SDK1: variants seen among roughly 807,000 people sequenced by gnomAD.
SDK1 encodes the protein protein sidekick-1.
SDK1 carries 157 observed loss-of-function variants against 245.5 expected under a neutral mutation model. The ratio of observed to expected loss-of-function variants is 0.64; its 90% confidence interval spans 0.56 to 0.73. The LOEUF is 0.73. Ranked by LOEUF, SDK1 falls within the 30% of genes least tolerant of loss-of-function variation. SDK1 has a pLI of 0.00. For missense variants in SDK1, 3,583 were observed against 3,002.3 expected (o/e 1.19, Z -4.52); for synonymous variants, 1,647 against 1,278.5 (o/e 1.29, Z -6.15).
chr7:3,486,724 C>T (rs1310062855), intron 1 of SDK1, among the ~76,000 whole-genome samples: 1 of 151,830 alleles, frequency 6.6e-6, no homozygotes, highest in African/African-American at 2.4e-5. Context: ...TTTTTAGCCA[C>T]GTTTTAATTT....
intron 1 of SDK1, among the ~76,000 whole-genome samples, chr7:3,417,960 G>A (rs1245135130): frequency 2.6e-5 from 4 of 151,908 alleles, no homozygotes; most frequent in Admixed American, 6.6e-5. Context: ...ACTCATTTAC[G>A]CAACATTGGA....
At chr7:3,703,476 T>A (rs1457957490) in intron 4 of SDK1, among the ~76,000 whole-genome samples, 1 of 152,190 alleles carries the variant, frequency 6.6e-6, no homozygotes, top group Non-Finnish European at 1.5e-5. Flanking sequence ...ATTAGATGTG[T>A]CTATTAGAGT....
rs1784538787 is a variant in SDK1, at chr7:3,695,213, TTAAA to T, written c.713+53112_713+53115del. ...TACACTAGGCGCCTCACACAGCAAA[TTAAA>T]TAAGTATTTCCGTCTAAGAATTTGC... On this transcript the variant is annotated intron_variant, in intron 4 of 44. Transcript: ENST00000404826. 2.0e-5 allele frequency among the ~76,000 whole-genome samples: 3 copies of T among 152,308 alleles called. No individual in the cohort carries two copies. In the South Asian group the frequency reaches 6.2e-4, roughly 32 times the overall value.
chr7:3,389,510 C>T (rs937806142), intron 1 of SDK1, among the ~76,000 whole-genome samples: 1 of 152,140 alleles, frequency 6.6e-6, no homozygotes, highest in African/African-American at 2.4e-5. Context: ...TTCCTTTAGA[C>T]TCATATTTTG....
intron 44 of SDK1, 77 bp from the exon 45 acceptor site, chr7:4,265,047 C>G: frequency 6.5e-7 from 1 of 1,545,670 alleles, no homozygotes; most frequent in Non-Finnish European, 8.7e-7. Flanking sequence ...GTGCCCCCAC[C>G]GCCAGGCCTC....
intron 1 of SDK1, among the ~76,000 whole-genome samples, chr7:3,489,119 A>G (rs141099904): frequency 2.3e-3 from 348 of 152,266 alleles, no homozygotes; most frequent in African/African-American, 8.1e-3. Flanking sequence ...CTCCCTGCAG[A>G]CATAGCCCCT....
intron 4 of SDK1, among the ~76,000 whole-genome samples, chr7:3,793,887 G>C (rs1027329596): frequency 5.3e-5 from 8 of 152,142 alleles, no homozygotes; most frequent in African/African-American, 1.9e-4. Flanking sequence ...AGCCTGATGA[G>C]GACCTCATTG....
intron 2 of SDK1, among the ~76,000 whole-genome samples, chr7:3,629,627 C>G (rs1405816990): frequency 6.6e-6 from 1 of 152,178 alleles, no homozygotes; most frequent in Non-Finnish European, 1.5e-5. Flanking sequence ...CTGGTTCTGC[C>G]TAACAAGTCT....
At chr7:3,807,809 A>T (rs557441370) in intron 4 of SDK1, among the ~76,000 whole-genome samples, 1 of 152,132 alleles carries the variant, frequency 6.6e-6, no homozygotes, top group African/African-American at 2.4e-5. Flanking sequence ...TGGCAAAATT[A>T]TTTGACCTCT....
intron 44 of SDK1, among the ~76,000 whole-genome samples, chr7:4,253,801 A>C (rs528356009): frequency 9.0e-4 from 137 of 152,258 alleles, no homozygotes; most frequent in African/African-American, 3.1e-3. Flanking sequence ...AGGCTCTGTT[A>C]GGTGCATGTG....
intron 4 of SDK1, among the ~76,000 whole-genome samples, chr7:3,713,985 T>A (rs1785127505): frequency 6.6e-6 from 1 of 152,208 alleles, no homozygotes; most frequent in Non-Finnish European, 1.5e-5. Context: ...ATTCAAAGAC[T>A]GTTTCATCTC....
chr7:3,685,603 T>G (rs993955893), intron 4 of SDK1, among the ~76,000 whole-genome samples: 1 of 152,162 alleles, frequency 6.6e-6, no homozygotes, highest in African/African-American at 2.4e-5. Context: ...GATGCAAAAA[T>G]TGTAACTTTA....
chr7:3,460,960 C>T (rs2128594807), intron 1 of SDK1, among the ~76,000 whole-genome samples: 1 of 152,282 alleles, frequency 6.6e-6, no homozygotes, highest in African/African-American at 2.4e-5. Context: ...AAAACATGAA[C>T]ATTCAAGAAT....
chr7:3,432,832 T>G (rs1403159), intron 1 of SDK1, among the ~76,000 whole-genome samples: 1 of 152,040 alleles, frequency 6.6e-6, no homozygotes, highest in African/African-American at 2.4e-5. Context: ...GAATTTTTCT[T>G]CATCTGAAAG....
At chr7:3,514,872 G>A (rs1355413742) in intron 1 of SDK1, among the ~76,000 whole-genome samples, 1 of 152,196 alleles carries the variant, frequency 6.6e-6, no homozygotes, top group South Asian at 2.1e-4. Context: ...GTGCATGCGT[G>A]CATGCGTGCG....
intron 7 of SDK1, among the ~76,000 whole-genome samples, chr7:3,957,618 G>A (rs1358219323): frequency 6.6e-6 from 1 of 152,136 alleles, no homozygotes; most frequent in African/African-American, 2.4e-5. Flanking sequence ...CTTCCCTGAT[G>A]AATACAGGTC....
intron 13 of SDK1, 37 bp from the exon 14 acceptor site, chr7:3,987,149 T>A (rs1301602137): frequency 6.2e-7 from 1 of 1,611,306 alleles, no homozygotes; most frequent in African/African-American, 1.3e-5. Context: ...CTGACATGTG[T>A]TTTCCTCTTT....
At chr7:3,708,059 G>A (rs1784942375) in intron 4 of SDK1, among the ~76,000 whole-genome samples, 1 of 152,154 alleles carries the variant, frequency 6.6e-6, no homozygotes, top group Non-Finnish European at 1.5e-5. Flanking sequence ...GAAGCGTGAT[G>A]CTGCTCAGCT....
At chr7:4,133,133 C>T (rs1784953560) in intron 28 of SDK1, among the ~76,000 whole-genome samples, 1 of 152,186 alleles carries the variant, frequency 6.6e-6, no homozygotes, top group Admixed American at 6.5e-5. Context: ...AGCACTTGCA[C>T]CCAATCCTTG....
Sources: allele counts gnomAD v4.1 joint callset (sites outside exome capture counted in the v4.1 genomes callset), GRCh38; gene constraint gnomAD v4.1.1; transcripts MANE v1.5; gene names NCBI Gene and HGNC (gene_info 2026-07-23, HGNC 2026-07-21).